Variants in KCNIP4 observed in about 807,000 individuals in gnomAD.
KCNIP4 encodes the protein potassium voltage-gated channel interacting protein 4.
Under a neutral mutation model 34.0 loss-of-function variants are expected in KCNIP4, and 12 were observed. The ratio of observed to expected loss-of-function variants is 0.35; its 90% CI spans 0.23 to 0.57. The LOEUF (loss-of-function observed/expected upper bound fraction) is 0.57. Ranked by LOEUF, KCNIP4 falls within the 20% of genes least tolerant of loss-of-function variation. KCNIP4 has a pLI of 0.83. For missense variants in KCNIP4, 238 were observed against 311.7 expected (o/e 0.76, Z 1.78); for synonymous variants, 124 against 102.2 (o/e 1.21, Z -1.29).
intron 1 of KCNIP4, among the ~76,000 whole-genome samples, chr4:21,835,173 C>G (rs1723245604): frequency 6.6e-6 from 1 of 151,962 alleles, no homozygotes. Context: ...TTTTTAAAAA[C>G]ACGACACAAA....
At chr4:21,426,628 C>A (rs1035534466) in intron 1 of KCNIP4, among the ~76,000 whole-genome samples, 1 of 151,916 alleles carries the variant, frequency 6.6e-6, no homozygotes, top group Non-Finnish European at 1.5e-5. Context: ...AAAAATGTAT[C>A]CTTTGATAAA....
chr4:21,225,607 C>A (rs1270537519), intron 1 of KCNIP4, among the ~76,000 whole-genome samples: 3 of 152,110 alleles, frequency 2.0e-5, no homozygotes, highest in Admixed American at 1.3e-4. Context: ...TATTCCTCAT[C>A]TGTAAATTAC....
chr4:21,609,911 A>G (rs1034161902), intron 1 of KCNIP4, among the ~76,000 whole-genome samples: 4 of 152,216 alleles, frequency 2.6e-5, no homozygotes, highest in Non-Finnish European at 4.4e-5. Context: ...TGAAGATCGA[A>G]TACTATCTGA....
intron 1 of KCNIP4, among the ~76,000 whole-genome samples, chr4:21,484,619 G>T (rs183007290): frequency 1.3e-5 from 2 of 152,008 alleles, no homozygotes; most frequent in Non-Finnish European, 2.9e-5. Flanking sequence ...GGTCATTCCC[G>T]CAGCCTTTGA....
chr4:21,356,178 T>A (rs1057266438), intron 1 of KCNIP4, among the ~76,000 whole-genome samples: 2 of 152,028 alleles, frequency 1.3e-5, no homozygotes, highest in African/African-American at 4.8e-5. Flanking sequence ...TCTCAAAATA[T>A]TAAGAGCTAT....
intron 1 of KCNIP4, among the ~76,000 whole-genome samples, chr4:21,910,374 C>A (rs1728235360): frequency 6.6e-6 from 1 of 152,042 alleles, no homozygotes; most frequent in African/African-American, 2.4e-5. Flanking sequence ...TTATTCCAAG[C>A]AGCTTACATG....
chr4:21,917,741 A>G (rs766241774), intron 1 of KCNIP4, among the ~76,000 whole-genome samples: 2 of 152,216 alleles, frequency 1.3e-5, no homozygotes, highest in Non-Finnish European at 2.9e-5. Flanking sequence ...CTTCAGTTAC[A>G]GTTTTATTAA....
chr4:21,408,638 TAG>T (rs1326522350), intron 1 of KCNIP4, among the ~76,000 whole-genome samples: 1 of 152,236 alleles, frequency 6.6e-6, no homozygotes, highest in Non-Finnish European at 1.5e-5. Flanking sequence ...ATTAATCTTT[TAG>T]ACTTTTTTTG....
chr4:21,070,479 G>C (rs780228994), intron 1 of KCNIP4, among the ~76,000 whole-genome samples: 1 of 151,636 alleles, frequency 6.6e-6, no homozygotes, highest in Non-Finnish European at 1.5e-5. Context: ...TACTTTAGCT[G>C]TTCTAATAGG....
At chr4:21,097,823 C>T (rs758225806) in intron 1 of KCNIP4, among the ~76,000 whole-genome samples, 9 of 152,034 alleles carry the variant, frequency 5.9e-5, no homozygotes, top group Non-Finnish European at 7.4e-5. Flanking sequence ...AAGAACCACC[C>T]GTCTTTTAGT....
chr4:20,910,699 G>T (rs750419136), intron 1 of KCNIP4, among the ~76,000 whole-genome samples: 2 of 152,080 alleles, frequency 1.3e-5, no homozygotes, highest in Non-Finnish European at 2.9e-5. Context: ...TCTTACCAAG[G>T]TTATCCATCC....
chr4:21,270,219 C>T (rs1762058350), intron 1 of KCNIP4, among the ~76,000 whole-genome samples: 1 of 152,134 alleles, frequency 6.6e-6, no homozygotes, highest in Non-Finnish European at 1.5e-5. Flanking sequence ...GTCAAATTAA[C>T]ACTTACACGG....
intron 1 of KCNIP4, among the ~76,000 whole-genome samples, chr4:21,478,113 T>TA (rs1194841423): frequency 1.3e-5 from 2 of 152,146 alleles, no homozygotes; most frequent in Admixed American, 1.3e-4. Context: ...TTTTATTTTT[T>TA]AAAAAATCTT....
chr4:21,456,104 G>A (rs1442183418), intron 1 of KCNIP4, among the ~76,000 whole-genome samples: 3 of 146,558 alleles, frequency 2.0e-5, no homozygotes. Flanking sequence ...AATAATGGCT[G>A]AAGAATTTCT....
intron 1 of KCNIP4, among the ~76,000 whole-genome samples, chr4:20,949,018 G>C (rs1031854465): frequency 6.6e-6 from 1 of 152,106 alleles, no homozygotes; most frequent in African/African-American, 2.4e-5. Flanking sequence ...GTCAAGGATA[G>C]GGAGTAACTC....
At chr4:21,075,227 T>A (rs1400705783) in intron 1 of KCNIP4, among the ~76,000 whole-genome samples, 1 of 152,174 alleles carries the variant, frequency 6.6e-6, no homozygotes, top group Non-Finnish European at 1.5e-5. Flanking sequence ...TGTCTAATGT[T>A]GACAGTGGGG....
intron 1 of KCNIP4, among the ~76,000 whole-genome samples, chr4:21,597,679 A>T (rs10938847): frequency 0.66 from 99,777 of 152,020 alleles, 33,378 homozygotes; most frequent in East Asian, 0.87. Flanking sequence ...GGTCTACTGT[A>T]TTCATTCAAA....
At chr4:21,020,001 A>G (rs1348520714) in intron 1 of KCNIP4, among the ~76,000 whole-genome samples, 1 of 152,168 alleles carries the variant, frequency 6.6e-6, no homozygotes, top group Admixed American at 6.5e-5. Context: ...TGGCCTGAAA[A>G]TGTCTGTGAT....
chr4:20,823,905 AT>A (rs901252856), intron 3 of KCNIP4, among the ~76,000 whole-genome samples: 2 of 152,186 alleles, frequency 1.3e-5, no homozygotes, highest in Admixed American at 1.3e-4. Context: ...CAAATAATAA[AT>A]TCCAGAGTAT....
Sources: gnomAD v4.1 joint callset for allele counts (sites outside exome capture counted in the v4.1 genomes callset) on GRCh38, gnomAD v4.1.1 for gene constraint, MANE v1.5 for transcripts, NCBI Gene and HGNC (gene_info 2026-07-23, HGNC 2026-07-21) for gene names.